MAP3K5: variants seen among roughly 807,000 people sequenced by gnomAD.
MAP3K5 encodes the protein mitogen-activated protein kinase kinase kinase 5, also known as ASK-1.
In MAP3K5, 56 loss-of-function variants were observed where a neutral mutation model predicts 158.7. That is an observed-to-expected ratio of 0.35 (90% CI 0.28 to 0.44). MAP3K5 has a LOEUF of 0.44. Ranked by LOEUF, MAP3K5 falls within the 20% of genes least tolerant of loss-of-function variation. The pLI, the probability that MAP3K5 is intolerant of heterozygous loss-of-function variation, is 1.00. For missense variants in MAP3K5, 1,294 were observed against 1,674.8 expected (o/e 0.77, Z 3.97); for synonymous variants, 579 against 601.7 (o/e 0.96, Z 0.55).
In MAP3K5 at chr6:136,622,920, A is replaced by G; in HGVS notation, c.2078T>C (p.Ile693Thr). The G allele has an allele frequency of 6.2e-7, 1 of 1,613,126 alleles. No homozygotes were observed. Among genetic ancestry groups the G allele is most frequent in the Non-Finnish European group, 8.5e-7 (1 of 1,179,188 alleles). ...GCTCAAGTCCCGACCTGCGTAGACT[A>G]TCCCATAAGTGCCTTTTCCTAAAAC... ...RVVLGKGTYGIVYAGRDLSNQ... is the reference protein window; with the variant it reads ...RVVLGKGTYGTVYAGRDLSNQ... Residue 693 changes from isoleucine to threonine, a missense_variant, in exon 15 of 30, where the codon ATA becomes ACA. Coordinates refer to ENST00000359015, the MANE Select transcript of MAP3K5 (RefSeq NM_005923.4).
intron 25 of MAP3K5, among the ~76,000 whole-genome samples, chr6:136,573,525 A>C (rs1401415115): frequency 6.6e-6 from 1 of 152,226 alleles, no homozygotes; most frequent in African/African-American, 2.4e-5. Context: ...TACATGTAGT[A>C]AGAGTGCTAA....
chr6:136,611,093 G>A (rs1430786104), intron 18 of MAP3K5, among the ~76,000 whole-genome samples, 189 bp downstream of exon 18: 1 of 113,970 alleles, frequency 8.8e-6, no homozygotes, highest in Non-Finnish European at 1.7e-5. Flanking sequence ...AGGTGACAGG[G>A]CAAGACCCTG....
At chr6:136,689,350 T>C (rs935908976) in intron 7 of MAP3K5, among the ~76,000 whole-genome samples, 5 of 152,170 alleles carry the variant, frequency 3.3e-5, no homozygotes, top group Non-Finnish European at 7.4e-5. Context: ...ACTGTGAAAC[T>C]CTTAGCAGTG....
intron 26 of MAP3K5, 31 bp downstream of exon 26, chr6:136,567,600 A>C (rs754129648): frequency 1.8e-5 from 29 of 1,572,492 alleles, no homozygotes; most frequent in East Asian, 1.1e-4. Flanking sequence ...GTAAAAGAAA[A>C]GAAACCAACC....
rs549808520 is a variant in MAP3K5 at position 136,561,493 on chromosome 6, G to A, written c.3987+40C>T. The stretch of plus-strand genomic sequence containing the variant: ...TAGCAGGCACCCAACATTATGAAAC[G>A]AAGTGAAAGAATACTTGTCCCACAG... On this transcript the variant is annotated intron_variant, in intron 28 of 29. Coordinates refer to ENST00000359015, the MANE Select transcript of MAP3K5 (RefSeq NM_005923.4). 1.9e-5 allele frequency: 27 copies of A among 1,437,290 alleles called. No homozygotes were observed. In the South Asian group the frequency reaches 2.1e-4, roughly 11 times the overall value. The allele number at this position is 1,437,290 out of a possible 1,614,324, so 89.0% of individuals were successfully genotyped here. A position where few individuals can be genotyped will look rare whatever the true frequency, so the allele number is the denominator to read the frequency against.
intron 1 of MAP3K5, among the ~76,000 whole-genome samples, chr6:136,746,344 C>T (rs1053113709): frequency 3.3e-5 from 5 of 151,958 alleles, no homozygotes; most frequent in African/African-American, 9.7e-5. Context: ...AAAAACGATA[C>T]AGGTGGAAGA....
At chr6:136,663,891 A>C (rs1779116567) in intron 8 of MAP3K5, among the ~76,000 whole-genome samples, 1 of 152,076 alleles carries the variant, frequency 6.6e-6, no homozygotes, top group South Asian at 2.1e-4. Context: ...GATTACAGGC[A>C]TGAGCCACCA....
At chr6:136,568,487 G>A (rs556496194) in intron 25 of MAP3K5, among the ~76,000 whole-genome samples, 1 of 152,238 alleles carries the variant, frequency 6.6e-6, no homozygotes, top group African/African-American at 2.4e-5. Flanking sequence ...CTAACCTGTT[G>A]ACTAACCATT....
chr6:136,620,462 T>G (rs1776750070), intron 15 of MAP3K5, among the ~76,000 whole-genome samples: 1 of 152,162 alleles, frequency 6.6e-6, no homozygotes, highest in Non-Finnish European at 1.5e-5. Flanking sequence ...GGTTCAGTTT[T>G]GGTCCTGTTA....
chr6:136,641,300 C>T (rs1340592892), intron 12 of MAP3K5, among the ~76,000 whole-genome samples: 2 of 152,132 alleles, frequency 1.3e-5, no homozygotes, highest in Non-Finnish European at 2.9e-5. Context: ...CCAATTTATG[C>T]TCTAATAAAA....
intron 25 of MAP3K5, among the ~76,000 whole-genome samples, chr6:136,571,408 C>T (rs979901125): frequency 3.9e-5 from 6 of 152,042 alleles, no homozygotes; most frequent in South Asian, 2.1e-4. Flanking sequence ...TCCCACTTGT[C>T]GAACAATGGG....
intron 14 of MAP3K5, among the ~76,000 whole-genome samples, chr6:136,631,965 G>C (rs2129102000): frequency 6.6e-6 from 1 of 152,302 alleles, no homozygotes; most frequent in East Asian, 1.9e-4. Context: ...AGAAAAGCAA[G>C]AAGGGGAGTT....
chr6:136,773,121 C>A (rs566611794), intron 1 of MAP3K5, among the ~76,000 whole-genome samples: 3 of 152,288 alleles, frequency 2.0e-5, no homozygotes, highest in African/African-American at 7.2e-5. Context: ...AAGTTATTCT[C>A]ATAAGAAAGT....
intron 23 of MAP3K5, among the ~76,000 whole-genome samples, chr6:136,589,758 A>G (rs889769405): frequency 1.3e-5 from 2 of 152,282 alleles, no homozygotes; most frequent in South Asian, 4.1e-4. Flanking sequence ...ACATGATAAT[A>G]AGAAGGTGGC....
At chr6:136,731,631 T>C (rs887189432) in intron 1 of MAP3K5, among the ~76,000 whole-genome samples, 1 of 152,176 alleles carries the variant, frequency 6.6e-6, no homozygotes, top group Non-Finnish European at 1.5e-5. Flanking sequence ...CATGTTCCAG[T>C]TCTGACATAG....
intron 7 of MAP3K5, among the ~76,000 whole-genome samples, chr6:136,690,023 C>T (rs1382745730): frequency 6.6e-6 from 1 of 151,964 alleles, no homozygotes; most frequent in African/African-American, 2.4e-5. Context: ...TAGGTACATT[C>T]CCTATCATAC....
intron 1 of MAP3K5, among the ~76,000 whole-genome samples, chr6:136,731,643 T>C (rs1426510105): frequency 6.6e-6 from 1 of 152,098 alleles, no homozygotes; most frequent in Non-Finnish European, 1.5e-5. Flanking sequence ...CTGACATAGA[T>C]ATTAGGGTGG....
intron 1 of MAP3K5, among the ~76,000 whole-genome samples, chr6:136,783,871 G>C (rs570761599): frequency 1.7e-4 from 24 of 144,312 alleles, no homozygotes; most frequent in African/African-American, 5.5e-4. Context: ...TCATGCTGGA[G>C]AGACTTGCAC....
At chr6:136,670,265 T>C (rs533666479) in intron 7 of MAP3K5, among the ~76,000 whole-genome samples, 32 of 152,242 alleles carry the variant, frequency 2.1e-4, no homozygotes, top group African/African-American at 6.3e-4. Flanking sequence ...TAGGATACTT[T>C]TAAGGGTTTC....
Sources: gnomAD v4.1 joint callset for allele counts (sites outside exome capture counted in the v4.1 genomes callset) on GRCh38, gnomAD v4.1.1 for gene constraint, MANE v1.5 for transcripts, NCBI Gene and HGNC (gene_info 2026-07-23, HGNC 2026-07-21) for gene names.